The following WDFY3 variants were observed in gnomAD, a reference collection of about 807,000 sequenced individuals.
WDFY3 encodes WD repeat and FYVE domain containing 3, also known as WD repeat and FYVE domain-containing protein 3.
WDFY3 carries 66 observed loss-of-function variants against 409.6 expected under a neutral mutation model. The ratio of observed to expected loss-of-function variants is 0.16; its 90% CI spans 0.13 to 0.20. The LOEUF is 0.20. Among genes scored for constraint, WDFY3 ranks in the 10% least tolerant of loss-of-function variants. The pLI, the probability that WDFY3 is intolerant of heterozygous loss-of-function variation, is 1.00. For missense variants in WDFY3, 3,031 were observed against 4,298.1 expected, an observed-to-expected ratio of 0.71 and a Z score of 8.24; for synonymous variants, 1,521 against 1,537.1, an observed-to-expected ratio of 0.99 and a Z score of 0.25.
intron 4 of WDFY3, among the ~76,000 whole-genome samples, chr4:84,859,388 T>G (rs895172685): frequency 2.6e-5 from 4 of 152,062 alleles, no homozygotes; most frequent in African/African-American, 9.7e-5. Flanking sequence ...GTAAAGAAGC[T>G]AATTCTTATA....
At chr4:84,880,958 A>G (rs1763453256) in intron 3 of WDFY3, among the ~76,000 whole-genome samples, 1 of 151,270 alleles carries the variant, frequency 6.6e-6, no homozygotes, top group Admixed American at 6.6e-5. Context: ...CCTGACCTTA[A>G]GTGATCCGCC....
At chr4:84,790,945 A>T (rs1748409667) in intron 21 of WDFY3, among the ~76,000 whole-genome samples, 1 of 152,210 alleles carries the variant, frequency 6.6e-6, no homozygotes, top group Admixed American at 6.5e-5. Flanking sequence ...TATCAAAAAA[A>T]AAAAGTGTTG....
At chr4:84,845,287 G>C (rs1757939125) in intron 5 of WDFY3, among the ~76,000 whole-genome samples, 1 of 152,176 alleles carries the variant, frequency 6.6e-6, no homozygotes, top group Admixed American at 6.5e-5. Context: ...TGTAGAAAAA[G>C]TGTGTGAATG....
intron 41 of WDFY3, 101 bp from the exon 42 acceptor site, chr4:84,736,428 C>T (rs1737440901): frequency 3.7e-6 from 4 of 1,079,186 alleles, no homozygotes; most frequent in Non-Finnish European, 5.0e-6. Flanking sequence ...CTGTAGTTAA[C>T]AAAAGTAGCA....
chr4:84,825,989 G>A (rs763169088), intron 10 of WDFY3, among the ~76,000 whole-genome samples: 1 of 152,008 alleles, frequency 6.6e-6, no homozygotes, highest in African/African-American at 2.4e-5. Context: ...CCAAATGTTT[G>A]GAAATCTAGA....
chr4:84,729,359 G>A (rs1736190233), intron 44 of WDFY3, among the ~76,000 whole-genome samples: 1 of 151,660 alleles, frequency 6.6e-6, no homozygotes, highest in Admixed American at 6.6e-5. Context: ...TTAAAATACA[G>A]AATTATAGTA....
chr4:84,903,909 A>C (rs372994589), intron 2 of WDFY3, among the ~76,000 whole-genome samples: 75 of 152,040 alleles, frequency 4.9e-4, no homozygotes, highest in African/African-American at 1.5e-3. Context: ...CCGTCCATCC[A>C]TCCGCCCGCC....
At chr4:84,931,091 T>C (rs1295700054) in intron 2 of WDFY3, among the ~76,000 whole-genome samples, 1 of 152,192 alleles carries the variant, frequency 6.6e-6, no homozygotes, top group African/African-American at 2.4e-5. Flanking sequence ...AGAAAAAACA[T>C]AGTATACATA....
chr4:84,811,980 G>A lies in WDFY3; in HGVS notation c.1888-1636C>T, dbSNP rs188341161. ...GCAACTTTACCATCACATGAGGTCA[G>A]GTGTGGAATTTTCCACTTGTCAGCA... On this transcript the variant is annotated intron_variant, in intron 13 of 67. Transcript: ENST00000295888. 1.1e-3 allele frequency among the ~76,000 whole-genome samples: 169 copies of A among 152,186 alleles called. 1 individual carries two copies. The highest frequency in any genetic ancestry group is 3.8e-3 in the African/African-American group (156 of 41,528).
intron 36 of WDFY3, chr4:84,751,139 T>A: frequency 3.0e-6 from 1 of 338,682 alleles, no homozygotes; most frequent in South Asian, 2.9e-5. Flanking sequence ...GTATTGTCCA[T>A]GGCTGCTTTC....
intron 32 of WDFY3, among the ~76,000 whole-genome samples, chr4:84,760,824 T>C (rs1172603670): frequency 6.9e-6 from 1 of 145,762 alleles, no homozygotes; most frequent in Non-Finnish European, 1.5e-5. Flanking sequence ...GCTCTGATTT[T>C]AGTTATTTCT....
At chr4:84,678,583 CAA>C (rs1726768531) in intron 65 of WDFY3, among the ~76,000 whole-genome samples, 1 of 152,182 alleles carries the variant, frequency 6.6e-6, no homozygotes, top group Non-Finnish European at 1.5e-5. Context: ...CTATTCTGGG[CAA>C]AGTTACCTGC....
At chr4:84,836,898 G>T in intron 7 of WDFY3, 31 bp downstream of exon 7, 2 of 1,453,214 alleles carry the variant, frequency 1.4e-6, no homozygotes, top group South Asian at 1.6e-5. Context: ...CTTTAAATAG[G>T]GTGGAGGTAG....
chr4:84,947,789 G>C (rs1773089818), intron 1 of WDFY3, among the ~76,000 whole-genome samples: 1 of 151,586 alleles, frequency 6.6e-6, no homozygotes, highest in Admixed American at 6.6e-5. Context: ...GCTTAAGGAG[G>C]GAGGACCACT....
chr4:84,830,544 C>T (rs1296276456), intron 8 of WDFY3, among the ~76,000 whole-genome samples: 1 of 152,128 alleles, frequency 6.6e-6, no homozygotes, highest in Non-Finnish European at 1.5e-5. Context: ...GACATAACCC[C>T]ACCATAAATT....
intron 4 of WDFY3, among the ~76,000 whole-genome samples, chr4:84,853,853 T>C (rs1759380641): frequency 6.6e-6 from 1 of 152,210 alleles, no homozygotes; most frequent in Non-Finnish European, 1.5e-5. Context: ...CATTGCTTCT[T>C]AAATAAGGTT....
chr4:84,914,696 TAGTA>T (rs1340382597), intron 2 of WDFY3, among the ~76,000 whole-genome samples: 1 of 152,192 alleles, frequency 6.6e-6, no homozygotes, highest in Non-Finnish European at 1.5e-5. Flanking sequence ...TAACAAGTGC[TAGTA>T]AGTATGTAGA....
intron 53 of WDFY3, 122 bp downstream of exon 53, chr4:84,708,785 CCT>C: frequency 9.8e-7 from 1 of 1,022,086 alleles, no homozygotes; most frequent in Non-Finnish European, 1.4e-6. Context: ...AAGTGATTCG[CCT>C]CTCTTAGCCT....
chr4:84,688,800 C>T (rs1033623004), intron 61 of WDFY3, among the ~76,000 whole-genome samples: 7 of 152,108 alleles, frequency 4.6e-5, no homozygotes, highest in East Asian at 3.9e-4. Flanking sequence ...AGTCCTGAGG[C>T]GTCAACATGC....
Sources: allele counts gnomAD v4.1 joint callset (sites outside exome capture counted in the v4.1 genomes callset), GRCh38; gene constraint gnomAD v4.1.1; transcripts MANE v1.5; gene names NCBI Gene and HGNC (gene_info 2026-07-23, HGNC 2026-07-21).